Variants in KLF3 observed in about 807,000 individuals in gnomAD.
KLF3 encodes the protein Krueppel-like factor 3.
KLF3 carries 6 observed loss-of-function variants against 32.7 expected under a neutral mutation model. The observed-to-expected ratio is 0.18, with a 90% CI of 0.10 to 0.36. KLF3 has a LOEUF of 0.36. Ranked by LOEUF, KLF3 falls within the 10% of genes least tolerant of loss-of-function variation. KLF3 has a pLI of 1.00. For synonymous variants in KLF3, 145 were observed against 172.8 expected, an observed-to-expected ratio of 0.84 and a Z score of 1.26; for missense variants, 338 against 449.7, an observed-to-expected ratio of 0.75 and a Z score of 2.25.
chr4:38,668,875 G>A (rs1252539830), intron 1 of KLF3, among the ~76,000 whole-genome samples: 1 of 152,198 alleles, frequency 6.6e-6, no homozygotes. Flanking sequence ...ATGCTAAGCT[G>A]AATAGTTGGG....
intron 3 of KLF3, 105 bp downstream of exon 3, chr4:38,689,176 C>G: frequency 7.2e-7 from 1 of 1,382,910 alleles, no homozygotes; most frequent in South Asian, 1.3e-5. Flanking sequence ...TTGAACTCTT[C>G]AAAGGAAATA....
chr4:38,676,191 A>C (rs1236068171), intron 1 of KLF3, among the ~76,000 whole-genome samples: 1 of 152,214 alleles, frequency 6.6e-6, no homozygotes, highest in African/African-American at 2.4e-5. Context: ...CTGTAATCCC[A>C]GCACTTTGGG....
intron 2 of KLF3, among the ~76,000 whole-genome samples, chr4:38,681,584 A>G (rs1722526986): frequency 6.6e-6 from 1 of 152,302 alleles, no homozygotes; most frequent in East Asian, 1.9e-4. Context: ...CAGGTACAAC[A>G]CCAGTGCCAT....
At position 38,689,712 on chromosome 4, in the gene KLF3, C is replaced by A. The variant is rs1459896516; in HGVS notation, c.545-17C>A. 1.3e-6 allele frequency: 2 copies of A among 1,560,730 alleles called. No homozygotes were observed. Among genetic ancestry groups the A allele is most frequent in the Admixed American group, 4.0e-5 (2 of 50,136 alleles). On this transcript the variant is annotated splice_polypyrimidine_tract_variant and intron_variant, in intron 3 of 5. Transcript: ENST00000261438. ...GTAAACTGTACGTGAAGTGACTTTT[C>A]TATTTTTATTTTTTAGTACCTGTAA...
chr4:38,699,703 C>G lies in KLF3; in HGVS notation c.*2440C>G, dbSNP rs1425371585. On this transcript the variant is annotated 3_prime_UTR_variant, in exon 6 of 6. Transcript: ENST00000261438. ...GCTTGCTTAGATTGTGTTAACAGTT[C>G]ATTTAACAAAGATCCGTTTTAACTC... 6.6e-6 allele frequency: 1 copy of G among 152,198 alleles called. No homozygotes were observed. The highest frequency in any genetic ancestry group is 2.4e-5 in the African/African-American group (1 of 41,438). The allele number at this position is 152,198 out of a possible 1,614,324, so 9.4% of individuals were successfully genotyped here.
intron 1 of KLF3, among the ~76,000 whole-genome samples, chr4:38,678,611 C>A (rs576853186): frequency 6.6e-6 from 1 of 152,074 alleles, no homozygotes; most frequent in Non-Finnish European, 1.5e-5. Context: ...AATGAATCAA[C>A]GAAGCACAAG....
chr4:38,669,619 G>T (rs183384990), intron 1 of KLF3, among the ~76,000 whole-genome samples: 6 of 152,130 alleles, frequency 3.9e-5, no homozygotes, highest in Admixed American at 3.9e-4. Context: ...TCGGCCGGGC[G>T]CGGTGGCTCA....
At chr4:38,664,586 G>A (rs1721939401) in intron 1 of KLF3, 125 bp downstream of exon 1, 1 of 150,790 alleles carries the variant, frequency 6.6e-6, no homozygotes, top group East Asian at 2.0e-4. Context: ...TGCAGCGCTG[G>A]TGTTGGGGGG....
chr4:38,666,356 G>T (rs1016402684), intron 1 of KLF3, among the ~76,000 whole-genome samples: 1 of 151,752 alleles, frequency 6.6e-6, no homozygotes, highest in South Asian at 2.1e-4. Context: ...GTTGCTATGG[G>T]CACAGTGATG....
Position 38,666,257 on chromosome 4 carries a change from C to G in KLF3, c.-40+1796C>G, listed in dbSNP as rs1312991263. 2.6e-5 allele frequency among the ~76,000 whole-genome samples: 4 copies of G among 152,344 alleles called. No individual in the cohort carries two copies. The East Asian group carries it at 5.8e-4, about 22-fold the overall frequency. ...AAAAGTAACTGCTTAGACCACAAAA[C>G]CTTGTCAGGTACAAAACGACAACAG... On this transcript the variant is annotated intron_variant, in intron 1 of 5. Coordinates refer to ENST00000261438, the MANE Select transcript of KLF3 (RefSeq NM_016531.6).
chr4:38,673,081 G>A (rs941702283), intron 1 of KLF3, among the ~76,000 whole-genome samples: 1 of 152,176 alleles, frequency 6.6e-6, no homozygotes, highest in Non-Finnish European at 1.5e-5. Flanking sequence ...GGTAGGCTTC[G>A]CTCATGGTTT....
chr4:38,690,986 T>C (rs1722861273), intron 4 of KLF3, among the ~76,000 whole-genome samples: 1 of 152,090 alleles, frequency 6.6e-6, no homozygotes, highest in Non-Finnish European at 1.5e-5. Flanking sequence ...CCCCAATAGA[T>C]GAAGAAGAGA....
At chr4:38,665,068 C>T (rs1026351355) in intron 1 of KLF3, among the ~76,000 whole-genome samples, 1 of 151,684 alleles carries the variant, frequency 6.6e-6, no homozygotes, top group Non-Finnish European at 1.5e-5. Flanking sequence ...GAGCAGTCTC[C>T]CGGCCCTCTG....
chr4:38,693,071 T>G (rs1165086157), intron 4 of KLF3, among the ~76,000 whole-genome samples: 2 of 141,754 alleles, frequency 1.4e-5, no homozygotes, highest in African/African-American at 5.2e-5. Context: ...TATATGTATA[T>G]ATATACACAT....
intron 1 of KLF3, among the ~76,000 whole-genome samples, chr4:38,668,565 G>C (rs114044036): frequency 0.013 from 1,912 of 152,240 alleles, 49 homozygotes; most frequent in African/African-American, 0.044. Flanking sequence ...AAAAAAGCTG[G>C]GAGTTTTAGA....
chr4:38,695,715 T>C (rs568827356), intron 5 of KLF3, among the ~76,000 whole-genome samples: 2 of 152,224 alleles, frequency 1.3e-5, no homozygotes, highest in Admixed American at 1.3e-4. Context: ...CTAAAAAATA[T>C]TAAAAATGAC....
At position 38,698,184 on chromosome 4, in the gene KLF3, G is replaced by A. The variant is rs974489897; in HGVS notation, c.*921G>A. 2.0e-5 allele frequency: 3 copies of A among 152,194 alleles called. No homozygotes were observed. The highest frequency in any genetic ancestry group is 4.4e-5 in the Non-Finnish European group (3 of 68,028). 9.4% of individuals were successfully genotyped at this position (152,194 alleles called of 1,614,324 possible). Reference sequence around the variant, plus strand: ...TCCATTCCTACAATGTCCTTAATATGAGATCATCAAACATTGATAGTAGGG... The same window carrying A: ...TCCATTCCTACAATGTCCTTAATATAAGATCATCAAACATTGATAGTAGGG... On this transcript the variant is annotated 3_prime_UTR_variant, in exon 6 of 6. Transcript: ENST00000261438.
intron 1 of KLF3, among the ~76,000 whole-genome samples, chr4:38,676,899 C>T (rs139061461): frequency 0.017 from 2,507 of 149,960 alleles, 95 homozygotes; most frequent in Non-Finnish European, 0.018. Flanking sequence ...GGCAAATAAA[C>T]ATACCCTTGT....
chr4:38,675,974 A>T (rs1304433650), intron 1 of KLF3, among the ~76,000 whole-genome samples: 1 of 152,230 alleles, frequency 6.6e-6, no homozygotes, highest in Non-Finnish European at 1.5e-5. Flanking sequence ...AATTAGTACC[A>T]ATGACAAAAG....
Sources: allele counts gnomAD v4.1 joint callset (sites outside exome capture counted in the v4.1 genomes callset), GRCh38; gene constraint gnomAD v4.1.1; transcripts MANE v1.5; gene names NCBI Gene and HGNC (gene_info 2026-07-23, HGNC 2026-07-21).